The following OXSR1 variants were observed in gnomAD, a reference collection of about 807,000 sequenced individuals.
The protein encoded by OXSR1 is oxidative stress responsive kinase 1, also known as serine/threonine-protein kinase OSR1.
In OXSR1, 24 loss-of-function variants were observed where a neutral mutation model predicts 79.8. The ratio of observed to expected loss-of-function variants is 0.30; its 90% confidence interval spans 0.22 to 0.42. OXSR1 has a LOEUF of 0.42. OXSR1 is among the 10% of genes least tolerant of loss of function. The pLI is 1.00. For missense variants in OXSR1, 430 were observed against 618.4 expected (o/e 0.70, Z 3.23); for synonymous variants, 226 against 209.2 (o/e 1.08, Z -0.69).
chr3:38,224,483 G>C, intron 7 of OXSR1, 88 bp from the exon 8 acceptor site: 11 of 948,304 alleles, frequency 1.2e-5, no homozygotes, highest in African/African-American at 1.7e-5. Flanking sequence ...ATGTTGGTCG[G>C]GGGGTGCCTG....
chr3:38,191,729 A>C (rs1000259975), intron 3 of OXSR1, among the ~76,000 whole-genome samples: 2 of 146,460 alleles, frequency 1.4e-5, no homozygotes, highest in Non-Finnish European at 3.0e-5. Flanking sequence ...AAAAGGTAAC[A>C]TTTCCCCCTT....
chr3:38,179,187 C>T (rs764351751), intron 1 of OXSR1, among the ~76,000 whole-genome samples: 25 of 152,148 alleles, frequency 1.6e-4, no homozygotes, highest in South Asian at 8.3e-4. Flanking sequence ...TGTGCCATAA[C>T]GCCTGGGTAA....
intron 3 of OXSR1, among the ~76,000 whole-genome samples, chr3:38,193,042 G>A (rs545898755): frequency 6.2e-4 from 95 of 152,328 alleles, no homozygotes; most frequent in African/African-American, 2.2e-3. Context: ...GCAATTGTAT[G>A]TCATTGGGAA....
intron 1 of OXSR1, 44 bp downstream of exon 1, chr3:38,165,990 G>C: frequency 1.9e-6 from 3 of 1,558,866 alleles, no homozygotes; most frequent in Non-Finnish European, 2.6e-6. Flanking sequence ...GCGCTGGGAG[G>C]CGGGGGACAC....
At chr3:38,246,364 A>T in intron 13 of OXSR1, 143 bp downstream of exon 13, 1 of 762,956 alleles carries the variant, frequency 1.3e-6, no homozygotes, top group Non-Finnish European at 2.0e-6. Flanking sequence ...TCACATTTTT[A>T]AGCATGTACA....
chr3:38,176,053 A>G (rs1052467268), intron 1 of OXSR1, among the ~76,000 whole-genome samples: 3 of 152,192 alleles, frequency 2.0e-5, no homozygotes, highest in African/African-American at 7.2e-5. Flanking sequence ...TTTTTTTTCT[A>G]AAACATCCTA....
Position 38,198,800 on chromosome 3 carries a change from C to T in OXSR1, c.371C>T (p.Ala124Val). 1 of 1,612,974 alleles carries T rather than the reference C, an allele frequency of 6.2e-7. No homozygotes were observed. The highest frequency in any genetic ancestry group is 8.5e-7 in the Non-Finnish European group (1 of 1,179,052). The change falls in exon 4 of 18, where the codon GCT (alanine) becomes GTT (valine). Residue 124 changes from alanine to valine, a missense_variant. Coordinates refer to ENST00000311806, the MANE Select transcript of OXSR1 (RefSeq NM_005109.3). ...KSGVLDESTI[A>V]TILREVLEGL... ...GGAGTCCTAGATGAATCTACCATTGCTACGATACTCCGAGAAGTACTGGAA... is the reference window on the plus strand; with the variant it reads ...GGAGTCCTAGATGAATCTACCATTGTTACGATACTCCGAGAAGTACTGGAA...
chr3:38,175,351 G>C (rs181060135), intron 1 of OXSR1, among the ~76,000 whole-genome samples: 1 of 152,042 alleles, frequency 6.6e-6, no homozygotes, highest in Admixed American at 6.6e-5. Flanking sequence ...TGTTGCCCAG[G>C]CTGGAGTGCA....
intron 4 of OXSR1, among the ~76,000 whole-genome samples, chr3:38,207,549 G>T (rs1471391193): frequency 2.0e-5 from 3 of 152,162 alleles, no homozygotes; most frequent in African/African-American, 7.2e-5. Flanking sequence ...TCACAACAGG[G>T]GCTGGAGTTG....
At chr3:38,165,378 T>G (rs985133987), upstream of OXSR1, 2 of 160,542 alleles carry the variant, frequency 1.2e-5, no homozygotes, top group East Asian at 3.8e-4. Flanking sequence ...ACTTCTTCCC[T>G]TTCACCGCGA....
At chr3:38,211,883 C>G (rs1000918436) in intron 4 of OXSR1, among the ~76,000 whole-genome samples, 1 of 152,088 alleles carries the variant, frequency 6.6e-6, no homozygotes, top group African/African-American at 2.4e-5. Context: ...GTGTTTGTAG[C>G]AAGGGAAGGG....
chr3:38,250,434 T>A (rs1703233001), intron 15 of OXSR1, among the ~76,000 whole-genome samples: 1 of 152,160 alleles, frequency 6.6e-6, no homozygotes, highest in Non-Finnish European at 1.5e-5. Flanking sequence ...TCTGTCAGAA[T>A]CCAAAGTTCA....
chr3:38,164,375 A>C (rs1575293490), upstream of OXSR1, among the ~76,000 whole-genome samples: 1 of 151,444 alleles, frequency 6.6e-6, no homozygotes, highest in Non-Finnish European at 1.5e-5. Context: ...CGAACTCCTG[A>C]CCTCAGGTGG....
chr3:38,241,795 A>C (rs928490950), intron 11 of OXSR1, among the ~76,000 whole-genome samples: 11 of 151,226 alleles, frequency 7.3e-5, no homozygotes, highest in African/African-American at 2.7e-4. Context: ...TTATTTACAA[A>C]GTTGTTTGTT....
At chr3:38,171,313 A>G (rs1466103169) in intron 1 of OXSR1, among the ~76,000 whole-genome samples, 1 of 152,250 alleles carries the variant, frequency 6.6e-6, no homozygotes, top group Non-Finnish European at 1.5e-5. Context: ...AATAAGCTAT[A>G]GTCTTCAAAA....
At chr3:38,213,307 T>C (rs1474869854) in intron 4 of OXSR1, among the ~76,000 whole-genome samples, 2 of 152,144 alleles carry the variant, frequency 1.3e-5, no homozygotes, top group East Asian at 3.8e-4. Flanking sequence ...CAAAATCCCC[T>C]GACACCAATC....
intron 4 of OXSR1, among the ~76,000 whole-genome samples, chr3:38,202,579 G>A (rs1308780628): frequency 1.8e-4 from 28 of 152,138 alleles, no homozygotes; most frequent in Admixed American, 1.8e-3. Flanking sequence ...CGAGGCAAGA[G>A]ACTGAAGGCA....
chr3:38,240,049 T>C (rs1484264314), intron 11 of OXSR1, among the ~76,000 whole-genome samples: 2 of 152,210 alleles, frequency 1.3e-5, no homozygotes, highest in Non-Finnish European at 1.5e-5. Flanking sequence ...TCCCTGTTTA[T>C]TCATCATGGC....
intron 3 of OXSR1, chr3:38,193,352 A>T: frequency 1.6e-6 from 2 of 1,288,170 alleles, no homozygotes; most frequent in Non-Finnish European, 2.0e-6. Context: ...CTTTGCTAAC[A>T]CCAACCACCT....
Sources: allele counts gnomAD v4.1 joint callset (sites outside exome capture counted in the v4.1 genomes callset), GRCh38; gene constraint gnomAD v4.1.1; transcripts MANE v1.5; gene names NCBI Gene and HGNC (gene_info 2026-07-23, HGNC 2026-07-21).